Variants in PRLR observed in about 807,000 individuals in gnomAD.
The protein encoded by PRLR is prolactin receptor.
PRLR carries 13 observed loss-of-function variants against 40.2 expected under a neutral mutation model. That is an observed-to-expected ratio of 0.32 (90% CI 0.21 to 0.51). The LOEUF (loss-of-function observed/expected upper bound fraction) is 0.51. PRLR is among the 20% of genes least tolerant of loss of function. The pLI, the probability that PRLR is intolerant of heterozygous loss-of-function variation, is 0.97. For missense variants in PRLR, 656 were observed against 747.3 expected, an observed-to-expected ratio of 0.88 and a Z score of 1.42; for synonymous variants, 269 against 278.7, an observed-to-expected ratio of 0.97 and a Z score of 0.35.
At chr5:35,172,316 GCT>G (rs796256740) in intron 1 of PRLR, among the ~76,000 whole-genome samples, 8 of 152,242 alleles carry the variant, frequency 5.3e-5, no homozygotes, top group African/African-American at 1.9e-4. Context: ...GCATCTAGGG[GCT>G]CTCTTGCCTT....
intron 1 of PRLR, among the ~76,000 whole-genome samples, chr5:35,176,053 AT>A (rs1775138642): frequency 6.6e-6 from 1 of 152,186 alleles, no homozygotes; most frequent in South Asian, 2.1e-4. Context: ...GTAAATAAAC[AT>A]ATACACACAT....
chr5:35,179,049 G>C (rs1775220785), intron 1 of PRLR, among the ~76,000 whole-genome samples: 1 of 152,076 alleles, frequency 6.6e-6, no homozygotes, highest in Admixed American at 6.6e-5. Flanking sequence ...TCACAACAAA[G>C]GTCTCAAGGC....
At chr5:35,162,484 A>C (rs1331823657) in intron 1 of PRLR, among the ~76,000 whole-genome samples, 1 of 152,244 alleles carries the variant, frequency 6.6e-6, no homozygotes, top group African/African-American at 2.4e-5. Context: ...GTGGGAATAC[A>C]AAAGTAGCAT....
chr5:35,187,479 C>T (rs1432133156), intron 1 of PRLR, among the ~76,000 whole-genome samples: 1 of 151,990 alleles, frequency 6.6e-6, no homozygotes, highest in Non-Finnish European at 1.5e-5. Context: ...TGAGAGCTCA[C>T]TATTACTGAT....
intron 1 of PRLR, among the ~76,000 whole-genome samples, chr5:35,169,124 T>C (rs1054317856): frequency 2.6e-5 from 4 of 152,188 alleles, no homozygotes; most frequent in African/African-American, 4.8e-5. Context: ...AGGTTTTGTA[T>C]AGGCTTTCAT....
intron 1 of PRLR, among the ~76,000 whole-genome samples, chr5:35,184,234 CCAGGCA>C (rs1775366422): frequency 6.6e-6 from 1 of 152,116 alleles, no homozygotes; most frequent in Non-Finnish European, 1.5e-5. Flanking sequence ...TAAAAACTGG[CCAGGCA>C]CGGTGGCTCA....
At chr5:35,049,403 G>T (rs768306760) in exon 9 of PRLR, 2 of 702,874 alleles carry the variant, frequency 2.8e-6, no homozygotes, top group Admixed American at 2.0e-5. Flanking sequence ...AACATCAAGG[G>T]GTCACCTGGA....
chr5:35,174,967 A>G (rs1020035709), intron 1 of PRLR, among the ~76,000 whole-genome samples: 1 of 152,240 alleles, frequency 6.6e-6, no homozygotes, highest in African/African-American at 2.4e-5. Context: ...AGATCATGTT[A>G]GGTATAATAT....
At position 35,163,353 on chromosome 5, in the gene PRLR, G is replaced by A. The variant is rs1392182176; in HGVS notation, c.-105-45231C>T. 2.6e-5 allele frequency among the ~76,000 whole-genome samples: 4 copies of A among 152,276 alleles called. No individual in the cohort carries two copies. The East Asian group carries it at 5.8e-4, about 22-fold the overall frequency. On this transcript the variant is annotated intron_variant, in intron 1 of 9. Coordinates refer to ENST00000618457, the MANE Select transcript of PRLR (RefSeq NM_000949.7). The stretch of plus-strand genomic sequence containing the variant: ...GCTGTTATTTGCACTAGCAGACAAC[G>A]AGTCCCTAAGTCTTCCTGAAAGCCT...
intron 5 of PRLR, among the ~76,000 whole-genome samples, chr5:35,080,356 C>A (rs1179124397): frequency 2.0e-5 from 3 of 152,112 alleles, no homozygotes; most frequent in Admixed American, 1.3e-4. Context: ...AAAAATCAAA[C>A]AACCCCATCA....
intron 1 of PRLR, among the ~76,000 whole-genome samples, chr5:35,204,334 C>G (rs944949126): frequency 1.3e-5 from 2 of 151,764 alleles, no homozygotes; most frequent in African/African-American, 4.8e-5. Context: ...GTATATAATA[C>G]TCAAGTGAGA....
At position 35,198,410 on chromosome 5, in the gene PRLR, G is replaced by A. The variant is rs57816130; in HGVS notation, c.-106+31858C>T. Among the ~76,000 whole-genome samples the A allele has an allele frequency of 8.4e-3, 1,273 of 152,340 alleles. 16 individuals are homozygous for A. Among genetic ancestry groups the A allele is most frequent in the African/African-American group, 0.029 (1,220 of 41,578 alleles). ...GAAGCTGCAAAGCTGAGTGCCTTCT[G>A]TGGTTCCCATGGCACTGGACAAAAG... On this transcript the variant is annotated intron_variant, in intron 1 of 9. Coordinates refer to ENST00000618457, the MANE Select transcript of PRLR (RefSeq NM_000949.7).
chr5:35,084,835 AGGTTATTTTAG>A (rs1188201847), intron 4 of PRLR, among the ~76,000 whole-genome samples, 196 bp from the exon 5 acceptor site: 1 of 152,120 alleles, frequency 6.6e-6, no homozygotes, highest in Non-Finnish European at 1.5e-5. Context: ...CATGTTGGAA[AGGTTATTTTAG>A]GGCCTCAAGT....
chr5:35,170,314 G>A (rs975992893), intron 1 of PRLR, among the ~76,000 whole-genome samples: 4 of 152,128 alleles, frequency 2.6e-5, no homozygotes, highest in African/African-American at 9.7e-5. Context: ...TTAAGCAAAG[G>A]GGGCCACTAT....
Position 35,112,512 on chromosome 5 carries a change from G to C in PRLR, c.-44+5549C>G, listed in dbSNP as rs190956940. On this transcript the variant is annotated intron_variant, in intron 2 of 9. Transcript: ENST00000618457. The stretch of plus-strand genomic sequence containing the variant: ...ACCGGGAAAGAGGGTAGAGAAAGAG[G>C]AGAAAGCAGGAGGATGTGGAAATTC... Among the ~76,000 whole-genome samples, 13 of 152,204 alleles carry C rather than the reference G, an allele frequency of 8.5e-5. No homozygotes were observed. In the East Asian group the frequency reaches 2.1e-3, roughly 25 times the overall value.
At chr5:35,139,211 T>C (rs1356481171) in intron 1 of PRLR, among the ~76,000 whole-genome samples, 2 of 152,296 alleles carry the variant, frequency 1.3e-5, no homozygotes, top group East Asian at 1.9e-4. Flanking sequence ...GTCGGCTCTT[T>C]GCAACCTCTG....
chr5:35,126,003 T>C (rs1773448494), intron 1 of PRLR, among the ~76,000 whole-genome samples: 1 of 152,224 alleles, frequency 6.6e-6, no homozygotes, highest in Non-Finnish European at 1.5e-5. Flanking sequence ...CTGACACTTC[T>C]GTTTTTCAAT....
At chr5:35,196,936 T>G (rs1436050584) in intron 1 of PRLR, among the ~76,000 whole-genome samples, 1 of 152,132 alleles carries the variant, frequency 6.6e-6, no homozygotes, top group Non-Finnish European at 1.5e-5. Flanking sequence ...TAACCTCACA[T>G]GGTGGAAAAA....
chr5:35,119,351 A>G (rs1436219344), intron 1 of PRLR, among the ~76,000 whole-genome samples: 5 of 151,404 alleles, frequency 3.3e-5, no homozygotes, highest in Non-Finnish European at 7.4e-5. Flanking sequence ...GGCCACTAGC[A>G]CCCTCATGCC....
Sources: gnomAD v4.1 joint callset for allele counts (sites outside exome capture counted in the v4.1 genomes callset) on GRCh38, gnomAD v4.1.1 for gene constraint, MANE v1.5 for transcripts, NCBI Gene and HGNC (gene_info 2026-07-23, HGNC 2026-07-21) for gene names.